Variants in RBFOX1 observed in about 807,000 individuals in gnomAD.
RBFOX1 encodes the protein RNA binding fox-1 homolog 1.
RBFOX1 carries 8 observed loss-of-function variants against 57.7 expected under a neutral mutation model. That is an observed-to-expected ratio of 0.14 (90% CI 0.08 to 0.25). The LOEUF (loss-of-function observed/expected upper bound fraction) is 0.25. Ranked by LOEUF, RBFOX1 falls within the 10% of genes least tolerant of loss-of-function variation. The pLI, the probability that RBFOX1 is intolerant of heterozygous loss-of-function variation, is 1.00. For missense variants in RBFOX1, 611 were observed against 548.5 expected, an observed-to-expected ratio of 1.11 and a Z score of -1.14; for synonymous variants, 326 against 222.4, an observed-to-expected ratio of 1.47 and a Z score of -4.15.
chr16:6,210,361 C>CAAAAAAAAAAAAAAAAAAAAAAA (rs3064933), intron 1 of RBFOX1, among the ~76,000 whole-genome samples: 4 of 61,452 alleles, frequency 6.5e-5, no homozygotes, highest in Non-Finnish European at 1.0e-4. Context: ...AAAAAAACAC[C>CAAAAAAAAAAAAAAAAAAAAAAA]AAAAAAAAAA....
At position 6,464,572 on chromosome 16, in the gene RBFOX1, T is replaced by C. The variant is rs2094996500; in HGVS notation, c.-64+147515T>C. 6.6e-5 allele frequency among the ~76,000 whole-genome samples: 10 copies of C among 152,294 alleles called. No individual in the cohort carries two copies. The South Asian group carries it at 2.1e-3, about 32-fold the overall frequency. ...TGCCTGACATTTGAAGAAAGGACAATTATACCTTTTAAATTAATACCATTG... is the reference window on the plus strand; with the variant it reads ...TGCCTGACATTTGAAGAAAGGACAACTATACCTTTTAAATTAATACCATTG... On this transcript the variant is annotated intron_variant, in intron 2 of 15. Coordinates refer to ENST00000550418, the MANE Select transcript of RBFOX1 (RefSeq NM_018723.4).
chr16:7,214,935 A>G (rs2091782656), intron 4 of RBFOX1, among the ~76,000 whole-genome samples: 2 of 152,084 alleles, frequency 1.3e-5, no homozygotes, highest in Admixed American at 1.3e-4. Flanking sequence ...CATGTACTGA[A>G]TGTGCAGGTT....
At chr16:7,447,553 A>C (rs867154720) in intron 4 of RBFOX1, among the ~76,000 whole-genome samples, 2 of 152,030 alleles carry the variant, frequency 1.3e-5, no homozygotes, top group South Asian at 2.1e-4. Flanking sequence ...GCCTAAGCCC[A>C]GTCACCTTCT....
chr16:7,048,438 T>C (rs1011147420), intron 3 of RBFOX1, among the ~76,000 whole-genome samples: 1 of 152,038 alleles, frequency 6.6e-6, no homozygotes, highest in Admixed American at 6.6e-5. Flanking sequence ...TTTTTGTATT[T>C]TTAGTAGAGA....
chr16:5,409,604 G>T, intron 1 of RBFOX1, among the ~76,000 whole-genome samples: 1 of 152,204 alleles, frequency 6.6e-6, no homozygotes, highest in East Asian at 1.9e-4. Context: ...CATGTTCTAG[G>T]TGCTGGGAAT....
intron 3 of RBFOX1, among the ~76,000 whole-genome samples, chr16:6,884,561 A>C (rs2063588801): frequency 1.3e-5 from 2 of 152,170 alleles, no homozygotes; most frequent in South Asian, 2.1e-4. Flanking sequence ...ATAAGACCTC[A>C]AATATGTTTT....
chr16:6,628,961 C>G (rs777870684), intron 2 of RBFOX1, among the ~76,000 whole-genome samples: 1 of 152,096 alleles, frequency 6.6e-6, no homozygotes, highest in Non-Finnish European at 1.5e-5. Context: ...ACCCAGGCTG[C>G]GGAGGTTACA....
chr16:7,219,933 T>C (rs1463709424), intron 4 of RBFOX1, among the ~76,000 whole-genome samples: 1 of 152,222 alleles, frequency 6.6e-6, no homozygotes, highest in African/African-American at 2.4e-5. Flanking sequence ...TAGGGTTTAG[T>C]AGCTATTTAG....
At chr16:5,380,562 G>T (rs1432848910) in intron 1 of RBFOX1, among the ~76,000 whole-genome samples, 2 of 152,222 alleles carry the variant, frequency 1.3e-5, no homozygotes, top group African/African-American at 4.8e-5. Context: ...TACCTTTGGG[G>T]ACAAGACTAG....
chr16:7,667,678 TTTTTGTTATTA>T (rs2069835165), intron 13 of RBFOX1, among the ~76,000 whole-genome samples: 1 of 35,860 alleles, frequency 2.8e-5, no homozygotes, highest in South Asian at 1.3e-3. Flanking sequence ...TTTAAACCTC[TTTTTGTTATTA>T]TTATATTTTT....
At chr16:6,151,901 A>G (rs532083832) in intron 1 of RBFOX1, among the ~76,000 whole-genome samples, 51 of 152,296 alleles carry the variant, frequency 3.3e-4, no homozygotes, top group African/African-American at 1.1e-3. Flanking sequence ...GAAGAGCATT[A>G]CTAAGATGGT....
intron 14 of RBFOX1, among the ~76,000 whole-genome samples, chr16:7,686,219 G>A (rs568394947): frequency 6.6e-5 from 10 of 151,882 alleles, no homozygotes; most frequent in Non-Finnish European, 1.0e-4. Flanking sequence ...CTGTGGAAAC[G>A]GGTTTTATGA....
intron 2 of RBFOX1, among the ~76,000 whole-genome samples, chr16:6,579,498 TG>T (rs1200278043): frequency 1.3e-5 from 2 of 152,162 alleles, no homozygotes; most frequent in Non-Finnish European, 2.9e-5. Context: ...ATGCTGTTCT[TG>T]GGATAGGGAG....
chr16:5,618,329 ATTT>A (rs71142632), intron 3 of RBFOX1, among the ~76,000 whole-genome samples: 12 of 149,732 alleles, frequency 8.0e-5, no homozygotes, highest in Middle Eastern at 3.5e-3. Context: ...ATGGCTGCAG[ATTT>A]TTTTTTTTTG....
At chr16:6,619,034 C>T (rs2098185458) in intron 2 of RBFOX1, among the ~76,000 whole-genome samples, 1 of 152,102 alleles carries the variant, frequency 6.6e-6, no homozygotes. Flanking sequence ...CCCAGGGGAT[C>T]AGGGAGAAGA....
chr16:5,291,526 A>G (rs2151175245), intron 1 of RBFOX1, among the ~76,000 whole-genome samples: 1 of 152,202 alleles, frequency 6.6e-6, no homozygotes, highest in Non-Finnish European at 1.5e-5. Flanking sequence ...GGCCTCCCAA[A>G]GTGCTGGGAT....
chr16:5,703,749 ATATGTGTGTATATGTGCATGTGTATT>A (rs1462154431), intron 3 of RBFOX1, among the ~76,000 whole-genome samples: 1 of 152,098 alleles, frequency 6.6e-6, no homozygotes, highest in Non-Finnish European at 1.5e-5. Flanking sequence ...GTGTGTGTAT[ATATGTGTGTATATGTGCATGTGTATT>A]TATGTGTGTG....
chr16:6,263,428 G>A (rs1439930679), intron 1 of RBFOX1, among the ~76,000 whole-genome samples: 2 of 152,074 alleles, frequency 1.3e-5, no homozygotes, highest in Non-Finnish European at 2.9e-5. Flanking sequence ...ATTGGTTGGG[G>A]GAAAAAAGTA....
chr16:7,517,218 G>A (rs1403175610), intron 4 of RBFOX1, among the ~76,000 whole-genome samples: 2 of 151,432 alleles, frequency 1.3e-5, no homozygotes, highest in Middle Eastern at 3.4e-3. Context: ...AGGAGGTAAA[G>A]AGAGAGAGCT....
Sources: allele counts gnomAD v4.1 joint callset (sites outside exome capture counted in the v4.1 genomes callset), GRCh38; gene constraint gnomAD v4.1.1; transcripts MANE v1.5; gene names NCBI Gene and HGNC (gene_info 2026-07-23, HGNC 2026-07-21).